Variants in EYA4 observed in about 807,000 individuals in gnomAD.
The protein encoded by EYA4 is protein phosphatase EYA4.
EYA4 carries 31 observed loss-of-function variants against 87.9 expected under a neutral mutation model. The observed-to-expected ratio is 0.35, with a 90% confidence interval of 0.27 to 0.48. The LOEUF (loss-of-function observed/expected upper bound fraction) is 0.48, where lower values mean the gene tolerates loss of function less well. Among genes scored for constraint, EYA4 ranks in the 20% least tolerant of loss-of-function variants. The probability of loss-of-function intolerance (pLI) is 0.99; values close to 1 mark genes in which losing one functional copy is unlikely to be tolerated. For synonymous variants in EYA4, 263 were observed against 270.6 expected, an observed-to-expected ratio of 0.97 and a Z score of 0.28; for missense variants, 678 against 761.4, an observed-to-expected ratio of 0.89 and a Z score of 1.29.
chr6:133,408,368 C>A (rs1170660724), intron 3 of EYA4, among the ~76,000 whole-genome samples: 1 of 152,160 alleles, frequency 6.6e-6, no homozygotes, highest in African/African-American at 2.4e-5. Context: ...TGTAGATGGA[C>A]TGTCTGCATA....
intron 2 of EYA4, among the ~76,000 whole-genome samples, chr6:133,347,584 T>C (rs1783290177): frequency 6.6e-6 from 1 of 152,204 alleles, no homozygotes; most frequent in South Asian, 2.1e-4. Flanking sequence ...ACACAGTGTC[T>C]AGTAACAATT....
chr6:133,522,316 A>G (rs572634859), intron 17 of EYA4, among the ~76,000 whole-genome samples: 4 of 151,716 alleles, frequency 2.6e-5, no homozygotes, highest in African/African-American at 9.6e-5. Context: ...AAAACAATGT[A>G]TAAAAACTAC....
intron 1 of EYA4, among the ~76,000 whole-genome samples, chr6:133,261,027 A>G (rs926413055): frequency 7.9e-5 from 12 of 152,212 alleles, no homozygotes; most frequent in African/African-American, 2.9e-4. Flanking sequence ...GTGATACCTG[A>G]AAGTCACATT....
chr6:133,514,141 G>A (rs910847074), intron 16 of EYA4, among the ~76,000 whole-genome samples: 1 of 152,118 alleles, frequency 6.6e-6, no homozygotes, highest in African/African-American at 2.4e-5. Context: ...AGGGAGCTTA[G>A]ATATGGAAGA....
chr6:133,494,690 G>A (rs559175609), intron 13 of EYA4, among the ~76,000 whole-genome samples: 2 of 129,052 alleles, frequency 1.5e-5, no homozygotes, highest in East Asian at 2.2e-4. Context: ...AAAAAAAAGT[G>A]TTTTTTTTTT....
intron 10 of EYA4, among the ~76,000 whole-genome samples, chr6:133,466,861 G>GT (rs1048846464): frequency 3.3e-5 from 5 of 151,998 alleles, no homozygotes; most frequent in Non-Finnish European, 1.5e-5. Context: ...GCCTGCTCAC[G>GT]TAAGGCCTGG....
At chr6:133,299,064 T>A (rs1407913324) in intron 2 of EYA4, among the ~76,000 whole-genome samples, 1 of 152,164 alleles carries the variant, frequency 6.6e-6, no homozygotes, top group Non-Finnish European at 1.5e-5. Context: ...AGGACTCTTC[T>A]TAGGTTACCA....
At chr6:133,244,827 C>T (rs1054352110) in intron 1 of EYA4, among the ~76,000 whole-genome samples, 18 of 151,964 alleles carry the variant, frequency 1.2e-4, no homozygotes, top group African/African-American at 4.3e-4. Flanking sequence ...TTCATTTTAA[C>T]ATTTTATGCA....
intron 10 of EYA4, among the ~76,000 whole-genome samples, chr6:133,466,076 C>T (rs1794812021): frequency 6.6e-6 from 1 of 151,980 alleles, no homozygotes; most frequent in Admixed American, 6.6e-5. Flanking sequence ...AGATTCAAAA[C>T]GAGTAACTCA....
chr6:133,356,746 AGTGTGTGTGT>A (rs58234857), intron 2 of EYA4, among the ~76,000 whole-genome samples: 8,105 of 136,674 alleles, frequency 0.059, 711 homozygotes, highest in African/African-American at 0.2. Context: ...AGCATTATTC[AGTGTGTGTGT>A]GTGTGTGTGT....
intron 2 of EYA4, among the ~76,000 whole-genome samples, chr6:133,287,899 C>T (rs960784595): frequency 2.6e-5 from 4 of 152,000 alleles, no homozygotes; most frequent in African/African-American, 9.7e-5. Context: ...CTTTGGGAGG[C>T]CGAGGTGGGC....
chr6:133,355,876 C>T (rs1275426498), intron 2 of EYA4, among the ~76,000 whole-genome samples: 1 of 152,130 alleles, frequency 6.6e-6, no homozygotes, highest in Non-Finnish European at 1.5e-5. Context: ...GTAGTCATCT[C>T]AGGCTGCCGT....
intron 3 of EYA4, among the ~76,000 whole-genome samples, chr6:133,383,957 A>G (rs750969616): frequency 2.0e-5 from 3 of 152,162 alleles, no homozygotes; most frequent in Non-Finnish European, 4.4e-5. Flanking sequence ...ACCTACCTAT[A>G]ACTTGCTTTT....
chr6:133,456,448 G>GT, intron 5 of EYA4, 108 bp from the exon 6 acceptor site: 1 of 820,460 alleles, frequency 1.2e-6, no homozygotes, highest in Non-Finnish European at 2.2e-6. Context: ...AACTTCTCAG[G>GT]TTTTCTCTTG....
chr6:133,356,344 A>G (rs1784031149), intron 2 of EYA4, among the ~76,000 whole-genome samples: 1 of 152,222 alleles, frequency 6.6e-6, no homozygotes, highest in Non-Finnish European at 1.5e-5. Flanking sequence ...TTTTCACTCA[A>G]ATGGAGTAAC....
At chr6:133,395,996 T>C (rs1787758213) in intron 3 of EYA4, among the ~76,000 whole-genome samples, 1 of 152,206 alleles carries the variant, frequency 6.6e-6, no homozygotes, top group African/African-American at 2.4e-5. Flanking sequence ...TAATCAAGAA[T>C]TTCCCTTTTT....
chr6:133,469,990 G>A (rs1795189424), intron 11 of EYA4, among the ~76,000 whole-genome samples: 3 of 151,066 alleles, frequency 2.0e-5, no homozygotes, highest in Admixed American at 2.0e-4. Context: ...CTGGATATTA[G>A]CCCTTTGTCA....
Position 133,322,695 on chromosome 6 carries a change from A to G in EYA4, c.33+47882A>G, listed in dbSNP as rs142728530. Among the ~76,000 whole-genome samples, 820 of 152,342 alleles carry G rather than the reference A, an allele frequency of 5.4e-3. 6 individuals are homozygous for G. The highest frequency in any genetic ancestry group is 0.019 in the African/African-American group (790 of 41,584). On this transcript the variant is annotated intron_variant, in intron 2 of 19. Transcript: ENST00000355286. ...GTAAAGTTGATGGGCACATTGTATC[A>G]TAAGACTATGTCTTAACTACTATAA...
intron 1 of EYA4, among the ~76,000 whole-genome samples, chr6:133,253,186 G>T (rs1775061137): frequency 6.6e-6 from 1 of 152,100 alleles, no homozygotes; most frequent in African/African-American, 2.4e-5. Flanking sequence ...ACAGGTGGAG[G>T]CCGTTCTCGG....
Sources: gnomAD v4.1 joint callset for allele counts (sites outside exome capture counted in the v4.1 genomes callset) on GRCh38, gnomAD v4.1.1 for gene constraint, MANE v1.5 for transcripts, NCBI Gene and HGNC (gene_info 2026-07-23, HGNC 2026-07-21) for gene names.